Variants in DCLRE1C observed in about 807,000 individuals in gnomAD.
DCLRE1C encodes the protein protein artemis.
DCLRE1C carries 47 observed loss-of-function variants against 61.4 expected under a neutral mutation model. The observed-to-expected ratio is 0.77, with a 90% confidence interval of 0.61 to 0.98. DCLRE1C has a LOEUF of 0.98. DCLRE1C is among the 50% of genes least tolerant of loss of function. The pLI, the probability that DCLRE1C is intolerant of heterozygous loss-of-function variation, is 0.00. For missense variants in DCLRE1C, 858 were observed against 816.0 expected (o/e 1.05, Z -0.63); for synonymous variants, 337 against 287.6 (o/e 1.17, Z -1.74).
In DCLRE1C at chr10:14,906,508, T is replaced by G. The variant is rs1438721079; in HGVS notation, c.*1900A>C. Among the ~76,000 whole-genome samples, 1 of 152,354 alleles carries G rather than the reference T, an allele frequency of 6.6e-6. No individual in the cohort carries two copies. Among genetic ancestry groups the G allele is most frequent in the South Asian group, 2.1e-4 (1 of 4,834 alleles). On this transcript the variant is annotated 3_prime_UTR_variant, in exon 14 of 14. Coordinates refer to ENST00000378278, the MANE Select transcript of DCLRE1C (RefSeq NM_001033855.3). ...ACAGGCATTTTTTGAACAACCACTT[T>G]CGATCATAAGGTACACTGTTAAAAC... is the stretch of plus-strand genomic sequence containing the variant.
Position 14,950,293 on chromosome 10 carries a change from T to C in DCLRE1C, c.110-1206A>G, listed in dbSNP as rs1589164427. ...AGGCAGAGGTTGCGGTGAGCTGAGA[T>C]TGTACCATTGCACTCCAGCCTGGGC... On this transcript the variant is annotated intron_variant, in intron 1 of 13. Transcript: ENST00000378278. Among the ~76,000 whole-genome samples, 3 of 150,752 alleles carry C rather than the reference T, an allele frequency of 2.0e-5. No individual in the cohort carries two copies. In the East Asian group the frequency reaches 5.9e-4, roughly 30 times the overall value.
intron 4 of DCLRE1C, among the ~76,000 whole-genome samples, chr10:14,939,443 C>CA (rs56689715): frequency 9.3e-5 from 13 of 140,296 alleles, no homozygotes; most frequent in South Asian, 6.9e-4. Context: ...GACTCTGTCT[C>CA]AAAAAAAAAA....
intron 13 of DCLRE1C, among the ~76,000 whole-genome samples, chr10:14,913,760 A>G (rs1338038298): frequency 1.3e-5 from 2 of 152,248 alleles, no homozygotes; most frequent in Non-Finnish European, 2.9e-5. Flanking sequence ...GATGATTTTA[A>G]GTATATGGGA....
At position 14,935,635 on chromosome 10, in the gene DCLRE1C, C is replaced by T. The variant is rs1301053443; in HGVS notation, c.363-71G>A. The T allele has an allele frequency of 3.6e-6, 5 of 1,398,886 alleles. No individual in the cohort carries two copies. The Admixed American group carries it at 6.7e-5, about 19-fold the overall frequency. The allele number at this position is 1,398,886 out of a possible 1,614,324, so 86.7% of individuals were successfully genotyped here. A position where few individuals can be genotyped will look rare whatever the true frequency, so the allele number is the denominator to read the frequency against. On this transcript the variant is annotated intron_variant, in intron 5 of 13. Coordinates refer to ENST00000378278, the MANE Select transcript of DCLRE1C (RefSeq NM_001033855.3). ...TCCCAATAAAGCAAATACATGTGAG[C>T]TGCATACTAAATGCTTCCTGCAAAC...
rs571280873 is a variant in DCLRE1C at position 14,939,796 on chromosome 10, T to C, written c.306+14A>G. The C allele has an allele frequency of 4.2e-4, 670 of 1,580,680 alleles. 1 individual carries two copies. The highest frequency in any genetic ancestry group is 5.6e-4 in the Non-Finnish European group (649 of 1,151,980). On this transcript the variant is annotated intron_variant, in intron 4 of 13. Transcript: ENST00000378278. ...ACATTTTTTTAAAAAAATCAATATT[T>C]AATATTTAGTTACCTCTCCTGATGC...
intron 13 of DCLRE1C, chr10:14,911,163 A>G (rs1354250374): frequency 6.6e-6 from 1 of 152,348 alleles, no homozygotes; most frequent in African/African-American, 2.4e-5. Flanking sequence ...CACTCAAACA[A>G]AAGGAAAGAA....
rs1564361862 is a variant in DCLRE1C, at chr10:14,908,473, CAT to C, written c.2012_2013del (p.Tyr671Ter). On this transcript the variant is annotated frameshift_variant, in exon 14 of 14. Coordinates refer to ENST00000378278, the MANE Select transcript of DCLRE1C (RefSeq NM_001033855.3). LOFTEE classifies it high-confidence loss of function. ...ATACTCTCACCAGTTGCCAGCTTCT[CAT>C]ATAAATATTGTAAATGCTCTCGTTT... is the stretch of plus-strand genomic sequence containing the variant. ...LPKREHLQYL[Y>X]EKLATGESIA... is the part of the protein sequence containing the mutation. The C allele has an allele frequency of 6.2e-7, 1 of 1,613,960 alleles. No homozygotes were observed. The highest frequency in any genetic ancestry group is 8.5e-7 in the Non-Finnish European group (1 of 1,179,986).
intron 12 of DCLRE1C, among the ~76,000 whole-genome samples, chr10:14,922,763 G>A (rs530088967): frequency 1.3e-5 from 2 of 152,298 alleles, no homozygotes; most frequent in African/African-American, 4.8e-5. Context: ...GCGGAGCTGG[G>A]TTGCAACCCA....
exon 14 of DCLRE1C, chr10:14,898,259 G>A (rs576135237): frequency 7.9e-4 from 61 of 77,684 alleles, no homozygotes; most frequent in African/African-American, 2.9e-3. Context: ...GTCCATTATT[G>A]TAGAGAAATT....
At chr10:14,945,508 A>G in intron 2 of DCLRE1C, 10 of 1,135,348 alleles carry the variant, frequency 8.8e-6, no homozygotes, top group Non-Finnish European at 9.8e-6. Context: ...ACCTCCTCCA[A>G]CAGTGGTCCC....
In DCLRE1C at chr10:14,928,084, G is replaced by A. The variant is rs1181812527; in HGVS notation, c.849C>T (p.His283=). The A allele has an allele frequency of 3.1e-6, 5 of 1,613,526 alleles. No homozygotes were observed. In the South Asian group the frequency reaches 3.3e-5, roughly 11 times the overall value. ...TGGTGGATGGCTTAATGCTGATTAT[G>A]TGGAGTGGAATTCTATTTCTGGAAG... The part of the protein sequence containing the change: ...GITSRNRIPL[H]IISIKPSTMW... The change falls in exon 10 of 14, where the codon CAC becomes CAT. Residue 283 remains histidine (H), a synonymous_variant. Coordinates refer to ENST00000378278, the MANE Select transcript of DCLRE1C (RefSeq NM_001033855.3).
chr10:14,952,230 G>T (rs755533663), intron 1 of DCLRE1C, among the ~76,000 whole-genome samples: 2 of 152,110 alleles, frequency 1.3e-5, no homozygotes, highest in Non-Finnish European at 2.9e-5. Context: ...CTCCAGTGCG[G>T]CTCTACACAA....
chr10:14,938,312 A>G (rs1370028082), intron 4 of DCLRE1C, among the ~76,000 whole-genome samples: 1 of 152,084 alleles, frequency 6.6e-6, no homozygotes, highest in Admixed American at 6.6e-5. Flanking sequence ...AGCAGTTGGC[A>G]GAGTCCAGGA....
rs541973577 is a variant in DCLRE1C, at chr10:14,939,135, G to A, written c.306+675C>T. Among the ~76,000 whole-genome samples the A allele has an allele frequency of 2.0e-5, 3 of 152,214 alleles. No homozygotes were observed. The South Asian group carries it at 6.2e-4, about 32-fold the overall frequency. ...ATGGGAGGACACAGGGAAAAAGACAGCATCTAAGAACCAGGAAGTGGCCAG... is the reference window on the plus strand; with the variant it reads ...ATGGGAGGACACAGGGAAAAAGACAACATCTAAGAACCAGGAAGTGGCCAG... On this transcript the variant is annotated intron_variant, in intron 4 of 13. Transcript: ENST00000378278.
At chr10:14,934,851 G>A (rs575385197) in intron 6 of DCLRE1C, 76 bp from the exon 7 acceptor site, 20 of 1,048,906 alleles carry the variant, frequency 1.9e-5, no homozygotes, top group Non-Finnish European at 2.8e-5. Context: ...TTTTTGAGAT[G>A]GAGTTTCGCT....
chr10:14,930,418 C>T (rs1001512411), intron 9 of DCLRE1C, among the ~76,000 whole-genome samples: 1 of 150,156 alleles, frequency 6.7e-6, no homozygotes, highest in African/African-American at 2.5e-5. Context: ...CAGATGTGAG[C>T]CACTAAGTTT....
At chr10:14,941,141 G>A (rs531982246) in intron 3 of DCLRE1C, among the ~76,000 whole-genome samples, 1 of 152,354 alleles carries the variant, frequency 6.6e-6, no homozygotes, top group African/African-American at 2.4e-5. Flanking sequence ...GCCTCCCAAA[G>A]TGCTGCGATT....
intron 13 of DCLRE1C, chr10:14,911,317 A>C (rs1011335754): frequency 6.6e-6 from 1 of 152,240 alleles, no homozygotes; most frequent in Admixed American, 6.5e-5. Context: ...CATATACTAA[A>C]TGCTACTCTG....
intron 1 of DCLRE1C, among the ~76,000 whole-genome samples, chr10:14,953,152 A>G (rs1210144743): frequency 6.6e-6 from 1 of 152,222 alleles, no homozygotes; most frequent in African/African-American, 2.4e-5. Context: ...CACAATGAGC[A>G]TTAAAACTGT....
Sources: allele counts gnomAD v4.1 joint callset (sites outside exome capture counted in the v4.1 genomes callset), GRCh38; gene constraint gnomAD v4.1.1; transcripts MANE v1.5; gene names NCBI Gene and HGNC (gene_info 2026-07-23, HGNC 2026-07-21).